The following ADAM22 variants were observed in gnomAD, a reference collection of about 807,000 sequenced individuals.
ADAM22 encodes ADAM metallopeptidase domain 22.
A neutral mutation model predicts 144.6 loss-of-function variants in ADAM22; 65 were observed. That is an observed-to-expected ratio of 0.45 (90% CI 0.37 to 0.55). The LOEUF (loss-of-function observed/expected upper bound fraction) is 0.55. Among genes scored for constraint, ADAM22 ranks in the 20% least tolerant of loss-of-function variants. The pLI, the probability that ADAM22 is intolerant of heterozygous loss-of-function variation, is 0.00. For missense variants in ADAM22, 974 were observed against 1,184.9 expected (o/e 0.82, Z 2.61); for synonymous variants, 391 against 412.6 (o/e 0.95, Z 0.63).
At chr7:88,196,022 G>C (rs932931475) in intron 31 of ADAM22, among the ~76,000 whole-genome samples, 1 of 152,154 alleles carries the variant, frequency 6.6e-6, no homozygotes, top group African/African-American at 2.4e-5. Context: ...AGTTGGTCTG[G>C]TGTGGTGCCT....
rs147244306 is a variant in ADAM22, at chr7:88,029,558, G to A, written c.324-46068G>A. On this transcript the variant is annotated intron_variant, in intron 3 of 31. Transcript: ENST00000413139. Reference sequence around the variant, plus strand: ...TGTGTTTTTCTGTGTACTTACTATTGTCAATAAGTTTTGTACCTTCAGATG... The same window carrying A: ...TGTGTTTTTCTGTGTACTTACTATTATCAATAAGTTTTGTACCTTCAGATG... Among the ~76,000 whole-genome samples, 965 of 152,010 alleles carry A rather than the reference G, an allele frequency of 6.3e-3. 6 individuals are homozygous for A. Among genetic ancestry groups the A allele is most frequent in the Non-Finnish European group, 8.7e-3 (591 of 67,934 alleles).
chr7:88,191,168 C>A (rs1361429689), intron 30 of ADAM22, among the ~76,000 whole-genome samples: 1 of 152,202 alleles, frequency 6.6e-6, no homozygotes, highest in African/African-American at 2.4e-5. Context: ...TGGAGAAAAT[C>A]TCCTGTTTTT....
At chr7:87,952,451 T>C (rs1194456735) in intron 2 of ADAM22, among the ~76,000 whole-genome samples, 7 of 152,164 alleles carry the variant, frequency 4.6e-5, no homozygotes, top group Non-Finnish European at 1.0e-4. Flanking sequence ...TATTTATTGA[T>C]TTGCATATAT....
chr7:87,985,911 T>A (rs1237274343), intron 3 of ADAM22, among the ~76,000 whole-genome samples: 1 of 152,162 alleles, frequency 6.6e-6, no homozygotes, highest in Non-Finnish European at 1.5e-5. Flanking sequence ...TTGATTTTTT[T>A]AAATGGTGCT....
At chr7:88,049,678 T>A (rs1805677709) in intron 3 of ADAM22, among the ~76,000 whole-genome samples, 1 of 152,208 alleles carries the variant, frequency 6.6e-6, no homozygotes. Flanking sequence ...ATTACAGACG[T>A]GAGCAAGTGC....
intron 3 of ADAM22, among the ~76,000 whole-genome samples, chr7:88,043,281 C>T (rs1426864327): frequency 2.0e-5 from 3 of 151,726 alleles, no homozygotes; most frequent in African/African-American, 7.3e-5. Flanking sequence ...GTCAGGAGAT[C>T]GAGACCATCC....
chr7:88,164,281 A>G (rs1842446417), intron 23 of ADAM22, among the ~76,000 whole-genome samples: 1 of 152,132 alleles, frequency 6.6e-6, no homozygotes. Flanking sequence ...ACAAGAGACC[A>G]AACATAGTTG....
chr7:88,131,879 AT>A (rs1469143762), intron 11 of ADAM22: 1 of 157,184 alleles, frequency 6.4e-6, no homozygotes, highest in African/African-American at 2.4e-5. Flanking sequence ...ATTTGACGTA[AT>A]AGCAAATTAT....
intron 31 of ADAM22, among the ~76,000 whole-genome samples, chr7:88,196,268 A>G (rs554834435): frequency 6.6e-6 from 1 of 152,350 alleles, no homozygotes; most frequent in Admixed American, 6.5e-5. Context: ...GGCTGCTGTT[A>G]AAAAGGTTGA....
chr7:88,075,508 G>A (rs1814163177), intron 3 of ADAM22, 118 bp from the exon 4 acceptor site: 1 of 767,264 alleles, frequency 1.3e-6, no homozygotes, highest in Non-Finnish European at 2.3e-6. Context: ...GACCTATAAA[G>A]TGTTGATTTG....
chr7:88,053,591 G>GGAAA (rs1214968746), intron 3 of ADAM22, among the ~76,000 whole-genome samples: 2,540 of 113,092 alleles, frequency 0.022, 37 homozygotes, highest in Non-Finnish European at 0.029. Flanking sequence ...AAGGAAGGAA[G>GGAAA]GAAAGAAAGA....
chr7:88,194,676 T>A (rs1188345908), intron 31 of ADAM22, among the ~76,000 whole-genome samples: 1 of 152,226 alleles, frequency 6.6e-6, no homozygotes, highest in Non-Finnish European at 1.5e-5. Flanking sequence ...CTTTCTCCTG[T>A]CACATATTAT....
chr7:88,058,710 C>G (rs1009523174), intron 3 of ADAM22, among the ~76,000 whole-genome samples: 2 of 151,980 alleles, frequency 1.3e-5, no homozygotes, highest in African/African-American at 2.4e-5. Flanking sequence ...GTTGGAAGGG[C>G]CTGTAGTGTT....
chr7:88,154,843 A>ATTTTTC (rs1209680895), intron 21 of ADAM22, among the ~76,000 whole-genome samples: 11 of 152,142 alleles, frequency 7.2e-5, no homozygotes, highest in Non-Finnish European at 1.5e-4. Flanking sequence ...TTGGTGAAAA[A>ATTTTTC]TACAGGTTCT....
At chr7:88,125,549 A>G (rs1830215062) in intron 7 of ADAM22, 40 bp from the exon 8 acceptor site, 1 of 1,475,118 alleles carries the variant, frequency 6.8e-7, no homozygotes, top group Admixed American at 1.8e-5. Flanking sequence ...AAGAAATCTG[A>G]CAAATGCACT....
intron 3 of ADAM22, among the ~76,000 whole-genome samples, chr7:88,043,965 GT>G (rs1803829732): frequency 6.6e-6 from 1 of 152,124 alleles, no homozygotes; most frequent in South Asian, 2.1e-4. Flanking sequence ...TACTTCATCT[GT>G]TTTTATAAAT....
intron 3 of ADAM22, among the ~76,000 whole-genome samples, chr7:87,979,894 A>G (rs191942831): frequency 3.3e-5 from 5 of 152,314 alleles, no homozygotes; most frequent in Admixed American, 3.3e-4. Flanking sequence ...CTCTATTTTA[A>G]TAACTCCCTT....
At chr7:87,980,614 G>T (rs1002535429) in intron 3 of ADAM22, among the ~76,000 whole-genome samples, 5 of 151,900 alleles carry the variant, frequency 3.3e-5, no homozygotes, top group Admixed American at 6.6e-5. Flanking sequence ...CATATTTTTT[G>T]ATTGGAATGG....
Position 88,179,108 on chromosome 7 carries a change from ACATTT to A in ADAM22, c.2479_2483del (p.Ser827IlefsTer14). On this transcript the variant is annotated frameshift_variant, in exon 27 of 32. Transcript: ENST00000413139. LOFTEE classifies it high-confidence loss of function. ...ATCACACATTATTCCATTAGTCAGA[ACATTT>A]CATTATTTTGCAGCAGGTTTGATTA... 7.8e-7 allele frequency: 1 copy of A among 1,287,074 alleles called. No individual in the cohort carries two copies. The highest frequency in any genetic ancestry group is 1.1e-6 in the Non-Finnish European group (1 of 888,778). The allele number at this position is 1,287,074 out of a possible 1,614,324, so 79.7% of individuals were successfully genotyped here. A position where few individuals can be genotyped will look rare whatever the true frequency, so the allele number is the denominator to read the frequency against.
Sources: gnomAD v4.1 joint callset for allele counts (sites outside exome capture counted in the v4.1 genomes callset) on GRCh38, gnomAD v4.1.1 for gene constraint, MANE v1.5 for transcripts, NCBI Gene and HGNC (gene_info 2026-07-23, HGNC 2026-07-21) for gene names.